KALRN: variants seen among roughly 807,000 people sequenced by gnomAD.
KALRN encodes the protein kalirin RhoGEF kinase, also known as kalirin.
A neutral mutation model predicts 353.7 loss-of-function variants in KALRN; 70 were observed. The ratio of observed to expected loss-of-function variants is 0.20; its 90% CI spans 0.16 to 0.24. The LOEUF (loss-of-function observed/expected upper bound fraction) is 0.24. Ranked by LOEUF, KALRN falls within the 10% of genes least tolerant of loss-of-function variation. The pLI, the probability that KALRN is intolerant of heterozygous loss-of-function variation, is 1.00. For missense variants in KALRN, 2,791 were observed against 3,756.7 expected (o/e 0.74, Z 6.72); for synonymous variants, 1,391 against 1,434.8 (o/e 0.97, Z 0.69).
intron 55 of KALRN, 34 bp downstream of exon 55, chr3:124,697,758 C>T (rs1167360950): frequency 6.8e-7 from 1 of 1,475,514 alleles, no homozygotes; most frequent in Non-Finnish European, 9.0e-7. Context: ...TTTCTTTTCT[C>T]TTCTTTTAAA....
At chr3:124,665,370 AC>A (rs1168008478) in intron 45 of KALRN, among the ~76,000 whole-genome samples, 1 of 152,158 alleles carries the variant, frequency 6.6e-6, no homozygotes, top group Non-Finnish European at 1.5e-5. Context: ...AAACTGGCAA[AC>A]CAAATAGGTT....
At chr3:124,384,254 A>G (rs145942950) in intron 10 of KALRN, among the ~76,000 whole-genome samples, 1 of 152,288 alleles carries the variant, frequency 6.6e-6, no homozygotes, top group African/African-American at 2.4e-5. Flanking sequence ...TCCTGCAAAC[A>G]TTCCCTGGGC....
At chr3:124,451,429 C>T (rs1007903554) in intron 21 of KALRN, among the ~76,000 whole-genome samples, 1 of 152,142 alleles carries the variant, frequency 6.6e-6, no homozygotes, top group African/African-American at 2.4e-5. Context: ...AGTGAGCTCT[C>T]AGGTCTAGAT....
intron 1 of KALRN, among the ~76,000 whole-genome samples, chr3:124,217,181 C>A (rs190463433): frequency 1.2e-4 from 18 of 152,280 alleles, no homozygotes; most frequent in Admixed American, 1.0e-3. Context: ...TTAAAAGTCC[C>A]TTAAGGTCAG....
intron 1 of KALRN, among the ~76,000 whole-genome samples, chr3:124,215,778 T>A (rs1441865639): frequency 2.6e-5 from 4 of 152,280 alleles, no homozygotes; most frequent in Admixed American, 6.5e-5. Flanking sequence ...GAGCTTGCTG[T>A]CTTAAGTAGA....
At chr3:124,603,621 G>C (rs972570130) in intron 34 of KALRN, among the ~76,000 whole-genome samples, 4 of 152,188 alleles carry the variant, frequency 2.6e-5, no homozygotes, top group African/African-American at 9.7e-5. Context: ...CCTATAGGGA[G>C]AGACCCAGTC....
chr3:124,304,802 C>T (rs1190812134), intron 6 of KALRN, among the ~76,000 whole-genome samples: 1 of 152,156 alleles, frequency 6.6e-6, no homozygotes, highest in Non-Finnish European at 1.5e-5. Flanking sequence ...GTTCCTTTAC[C>T]CTCCACCCTA....
At chr3:124,332,721 G>A (rs780714514) in intron 8 of KALRN, among the ~76,000 whole-genome samples, 1 of 152,126 alleles carries the variant, frequency 6.6e-6, no homozygotes, top group Non-Finnish European at 1.5e-5. Flanking sequence ...GAAAGTGGAT[G>A]GTGTGTCCAC....
Position 124,723,141 on chromosome 3 carries a change from A to G in KALRN, c.*3671A>G, listed in dbSNP as rs1477922636. 1 of 152,234 alleles carries G rather than the reference A, an allele frequency of 6.6e-6. No homozygotes were observed. The highest frequency in any genetic ancestry group is 2.4e-5 in the African/African-American group (1 of 41,466). The allele number at this position is 152,234 out of a possible 1,614,324, so 9.4% of individuals were successfully genotyped here. ...GGAAGCAGAGGAGAAAGCTAGCTTCACTGCTTTGTGGTCCACAAAGCCTTT... is the reference window on the plus strand; with the variant it reads ...GGAAGCAGAGGAGAAAGCTAGCTTCGCTGCTTTGTGGTCCACAAAGCCTTT... On this transcript the variant is annotated 3_prime_UTR_variant, in exon 60 of 60. Transcript: ENST00000682506.
chr3:124,470,504 G>T (rs2060780421), intron 25 of KALRN, among the ~76,000 whole-genome samples: 2 of 149,638 alleles, frequency 1.3e-5, no homozygotes, highest in Admixed American at 6.7e-5. Flanking sequence ...TTATCAATTG[G>T]TATGCCTGGC....
rs529077073 is a variant in KALRN at position 124,664,654 on chromosome 3, C to T, written c.6346-1795C>T. Among the ~76,000 whole-genome samples, 306 of 152,262 alleles carry T rather than the reference C, an allele frequency of 2.0e-3. 2 individuals carry two copies. The highest frequency in any genetic ancestry group is 4.4e-3 in the South Asian group (21 of 4,820). ...TCGATCTCCTGACCTGGTGATCCGC[C>T]GGCCTTGGCCTCCCAAAGTGCTAGG... On this transcript the variant is annotated intron_variant, in intron 45 of 59. Coordinates refer to ENST00000682506, the MANE Select transcript of KALRN (RefSeq NM_001388419.1).
At chr3:124,589,548 G>A (rs922401261) in intron 34 of KALRN, among the ~76,000 whole-genome samples, 1 of 152,160 alleles carries the variant, frequency 6.6e-6, no homozygotes, top group African/African-American at 2.4e-5. Flanking sequence ...AACTATGATG[G>A]CACCACTGCA....
In KALRN at chr3:124,208,610, C is replaced by G. The variant is rs539877558; in HGVS notation, c.74-19380C>G. Among the ~76,000 whole-genome samples the G allele has an allele frequency of 2.0e-5, 3 of 152,260 alleles. No homozygotes were observed. In the South Asian group the frequency reaches 6.2e-4, roughly 32 times the overall value. On this transcript the variant is annotated intron_variant, in intron 1 of 59. Coordinates refer to ENST00000682506, the MANE Select transcript of KALRN (RefSeq NM_001388419.1). The stretch of plus-strand genomic sequence containing the variant: ...AAGAAGCCCTGTTCTCCTGCTTCCA[C>G]TGTCTCCAGCCAAGAAAATGCACTT...
chr3:124,215,811 T>C (rs553734642), intron 1 of KALRN, among the ~76,000 whole-genome samples: 1 of 152,178 alleles, frequency 6.6e-6, no homozygotes, highest in Non-Finnish European at 1.5e-5. Flanking sequence ...GAGCAAGTAA[T>C]GGCCAGGTGT....
chr3:124,142,755 C>T (rs1287503480), intron 1 of KALRN, among the ~76,000 whole-genome samples: 1 of 152,088 alleles, frequency 6.6e-6, no homozygotes, highest in Non-Finnish European at 1.5e-5. Context: ...CCATCTCCAC[C>T]CCCCACCCAC....
chr3:124,229,416 C>T (rs1281807469), intron 2 of KALRN, among the ~76,000 whole-genome samples: 5 of 152,334 alleles, frequency 3.3e-5, no homozygotes, highest in South Asian at 2.1e-4. Context: ...GTGTTAGTAG[C>T]GAAAGATTGT....
intron 19 of KALRN, among the ~76,000 whole-genome samples, chr3:124,445,332 C>T (rs1470169553): frequency 6.6e-6 from 1 of 152,126 alleles, no homozygotes; most frequent in Non-Finnish European, 1.5e-5. Flanking sequence ...AGGAAGAAGA[C>T]ATAATAAAAT....
At chr3:124,209,950 A>G (rs562029749) in intron 1 of KALRN, among the ~76,000 whole-genome samples, 5 of 152,338 alleles carry the variant, frequency 3.3e-5, no homozygotes, top group African/African-American at 1.2e-4. Flanking sequence ...TCTTACCACC[A>G]TGAAATAACT....
At chr3:124,435,879 G>A (rs2093443144) in intron 17 of KALRN, among the ~76,000 whole-genome samples, 1 of 152,070 alleles carries the variant, frequency 6.6e-6, no homozygotes, top group Non-Finnish European at 1.5e-5. Context: ...CAAATGCAAA[G>A]AATACAAATG....
Sources: gnomAD v4.1 joint callset for allele counts (sites outside exome capture counted in the v4.1 genomes callset) on GRCh38, gnomAD v4.1.1 for gene constraint, MANE v1.5 for transcripts, NCBI Gene and HGNC (gene_info 2026-07-23, HGNC 2026-07-21) for gene names.